PKIB: variants seen among roughly 807,000 people sequenced by gnomAD.
PKIB encodes PKI-beta.
PKIB carries 2 observed loss-of-function variants against 4.5 expected under a neutral mutation model. That is an observed-to-expected ratio of 0.44 (90% CI 0.18 to 1.39). The LOEUF (loss-of-function observed/expected upper bound fraction) is 1.39. Ranked by LOEUF, PKIB falls within the 40% of genes most tolerant of loss-of-function variation. The pLI is 0.27. For missense variants in PKIB, 94 were observed against 92.6 expected, an observed-to-expected ratio of 1.02 and a Z score of -0.06; for synonymous variants, 38 against 36.0, an observed-to-expected ratio of 1.06 and a Z score of -0.20.
chr6:122,667,144 G>A (rs1229777189), intron 2 of PKIB, among the ~76,000 whole-genome samples: 3 of 152,106 alleles, frequency 2.0e-5, no homozygotes, highest in Admixed American at 6.5e-5. Flanking sequence ...GAAATAATGC[G>A]TCTATGTATG....
intron 2 of PKIB, among the ~76,000 whole-genome samples, chr6:122,492,456 G>C (rs1051475772): frequency 2.0e-5 from 3 of 152,148 alleles, no homozygotes; most frequent in East Asian, 3.8e-4. Flanking sequence ...TGGGACCAGC[G>C]ATAGCCTCAG....
chr6:122,680,786 A>G (rs1777868042), intron 3 of PKIB, among the ~76,000 whole-genome samples: 2 of 152,176 alleles, frequency 1.3e-5, no homozygotes, highest in African/African-American at 2.4e-5. Flanking sequence ...TCTTGAACCA[A>G]CTTTTCCTCT....
intron 2 of PKIB, among the ~76,000 whole-genome samples, chr6:122,672,730 A>T (rs187144490): frequency 6.6e-6 from 1 of 151,658 alleles, no homozygotes; most frequent in Non-Finnish European, 1.5e-5. Flanking sequence ...ATATATAATA[A>T]TAATATAGCA....
At chr6:122,698,233 C>G (rs1025121783) in intron 3 of PKIB, among the ~76,000 whole-genome samples, 5 of 152,106 alleles carry the variant, frequency 3.3e-5, no homozygotes, top group African/African-American at 1.2e-4. Context: ...AGGGGGCTCT[C>G]CAGGTAGCCA....
intron 2 of PKIB, among the ~76,000 whole-genome samples, chr6:122,546,364 A>G (rs1168487524): frequency 2.0e-5 from 3 of 150,854 alleles, no homozygotes; most frequent in Admixed American, 6.6e-5. Flanking sequence ...CAAAATGACT[A>G]TAGCATTCCA....
intron 1 of PKIB, among the ~76,000 whole-genome samples, chr6:122,630,822 C>G (rs1464794157): frequency 1.3e-5 from 2 of 152,012 alleles, no homozygotes; most frequent in Admixed American, 6.6e-5. Flanking sequence ...ACCCAGTGAT[C>G]TAAAACAGTA....
At chr6:122,672,010 T>A (rs1777483460) in intron 2 of PKIB, among the ~76,000 whole-genome samples, 1 of 152,216 alleles carries the variant, frequency 6.6e-6, no homozygotes, top group African/African-American at 2.4e-5. Flanking sequence ...TGAGGTCAGC[T>A]TGGGACATGC....
At chr6:122,569,181 C>T (rs1315044624) in intron 2 of PKIB, among the ~76,000 whole-genome samples, 1 of 152,198 alleles carries the variant, frequency 6.6e-6, no homozygotes, top group South Asian at 2.1e-4. Context: ...TGTGCCCCTC[C>T]ACCCACGCTG....
At chr6:122,497,416 A>C (rs1300083418) in intron 2 of PKIB, among the ~76,000 whole-genome samples, 2 of 152,186 alleles carry the variant, frequency 1.3e-5, no homozygotes, top group African/African-American at 4.8e-5. Context: ...CCCTACTTAG[A>C]AGGCAAAGAG....
rs543691049 is a variant in PKIB at position 122,594,028 on chromosome 6, C to G, written c.-161+8021C>G. On this transcript the variant is annotated intron_variant, in intron 3 of 6. Transcript: ENST00000392491. The stretch of plus-strand genomic sequence containing the variant: ...ATCTCCTGAGATCATACATAATCTT[C>G]AAATGAAGACAATAATGAGGTTGTA... Among the ~76,000 whole-genome samples the G allele has an allele frequency of 6.6e-5, 10 of 152,232 alleles. 1 individual carries two copies. The South Asian group carries it at 2.1e-3, about 32-fold the overall frequency.
chr6:122,575,172 G>A (rs1773490199), intron 2 of PKIB, among the ~76,000 whole-genome samples: 1 of 151,956 alleles, frequency 6.6e-6, no homozygotes, highest in Non-Finnish European at 1.5e-5. Context: ...TAATCATCAG[G>A]GAAATGTAAA....
chr6:122,688,478 G>GA (rs1778181900), intron 3 of PKIB, among the ~76,000 whole-genome samples: 1 of 149,968 alleles, frequency 6.7e-6, no homozygotes. Context: ...GGATGAATTT[G>GA]ACAGTATTCT....
intron 2 of PKIB, among the ~76,000 whole-genome samples, chr6:122,485,068 A>G (rs923127162): frequency 2.0e-5 from 3 of 152,112 alleles, no homozygotes; most frequent in Non-Finnish European, 2.9e-5. Context: ...TTTTTGGCCT[A>G]TAAATCTGCC....
intron 2 of PKIB, among the ~76,000 whole-genome samples, chr6:122,583,801 A>G (rs534249670): frequency 6.6e-6 from 1 of 152,242 alleles, no homozygotes; most frequent in East Asian, 1.9e-4. Flanking sequence ...CTTGAGAGGT[A>G]AGTAGTTCCT....
chr6:122,660,645 A>T (rs183015896), intron 2 of PKIB, among the ~76,000 whole-genome samples: 169 of 152,318 alleles, frequency 1.1e-3, no homozygotes, highest in Non-Finnish European at 6.6e-4. Flanking sequence ...CATTAAGTAC[A>T]AATTTTTGAT....
At chr6:122,529,399 T>C (rs189599059) in intron 2 of PKIB, among the ~76,000 whole-genome samples, 9 of 152,336 alleles carry the variant, frequency 5.9e-5, no homozygotes, top group African/African-American at 1.9e-4. Flanking sequence ...TTTCATATAT[T>C]GTATTCTCAC....
chr6:122,551,654 C>A (rs1772676589), intron 2 of PKIB, among the ~76,000 whole-genome samples: 1 of 152,104 alleles, frequency 6.6e-6, no homozygotes. Context: ...AGCCAGCATT[C>A]TGGAAGCCAC....
intron 1 of PKIB, among the ~76,000 whole-genome samples, chr6:122,627,321 T>C (rs1250902574): frequency 6.6e-6 from 1 of 152,084 alleles, no homozygotes; most frequent in African/African-American, 2.4e-5. Context: ...TCTGCTCTTC[T>C]CTTTCTATAA....
At chr6:122,521,193 C>T (rs1022875878) in intron 2 of PKIB, among the ~76,000 whole-genome samples, 8 of 152,274 alleles carry the variant, frequency 5.3e-5, no homozygotes, top group Middle Eastern at 3.4e-3. Flanking sequence ...CTTAGTGGAT[C>T]GGACTGGCCG....
Sources: gnomAD v4.1 joint callset for allele counts (sites outside exome capture counted in the v4.1 genomes callset) on GRCh38, gnomAD v4.1.1 for gene constraint, MANE v1.5 for transcripts, NCBI Gene and HGNC (gene_info 2026-07-23, HGNC 2026-07-21) for gene names.